Variants in DNAJC8 observed in about 807,000 individuals in gnomAD.
The protein encoded by DNAJC8 is DnaJ heat shock protein family (Hsp40) member C8.
A neutral mutation model predicts 43.2 loss-of-function variants in DNAJC8; 24 were observed. The observed-to-expected ratio is 0.56, with a 90% CI of 0.40 to 0.78. DNAJC8 has a LOEUF of 0.78. Ranked by LOEUF, DNAJC8 falls within the 30% of genes least tolerant of loss-of-function variation. The pLI is 0.00. For synonymous variants in DNAJC8, 83 were observed against 98.0 expected (o/e 0.85, Z 0.90); for missense variants, 207 against 299.4 (o/e 0.69, Z 2.28).
At chr1:28,209,453 G>A (rs142237617) in intron 5 of DNAJC8, among the ~76,000 whole-genome samples, 77 of 152,234 alleles carry the variant, frequency 5.1e-4, no homozygotes, top group African/African-American at 1.8e-3. Flanking sequence ...ATGCCCTCAA[G>A]AGCAAACAAA....
rs779170756 is a variant in DNAJC8, at chr1:28,208,420, A to C, written c.400-7T>G. On this transcript the variant is annotated splice_region_variant and splice_polypyrimidine_tract_variant and intron_variant, in intron 5 of 8. Coordinates refer to ENST00000263697, the MANE Select transcript of DNAJC8 (RefSeq NM_014280.3). ...GTTTTTTTCGCTCTTTCACCTAAAA[A>C]GAATTTTTTTTCATCAAAAGACGAG... 1.9e-6 allele frequency: 3 copies of C among 1,607,806 alleles called. No individual in the cohort carries two copies. The African/African-American group carries it at 4.0e-5, about 21-fold the overall frequency.
intron 3 of DNAJC8, among the ~76,000 whole-genome samples, chr1:28,212,173 ATATATATATATATATATATAT>A (rs1557707921): frequency 0.014 from 1,100 of 79,344 alleles, 92 homozygotes; most frequent in African/African-American, 0.034. Context: ...AAATAAATAT[ATATATATATATATATATATAT>A]ATATATATAT....
chr1:28,207,597 C>T (rs1267379814), intron 6 of DNAJC8, among the ~76,000 whole-genome samples: 1 of 150,810 alleles, frequency 6.6e-6, no homozygotes, highest in African/African-American at 2.4e-5. Context: ...GCACGTGCCA[C>T]CACGCCCAGA....
chr1:28,217,868 T>C (rs1375841271), intron 2 of DNAJC8, among the ~76,000 whole-genome samples: 1 of 151,960 alleles, frequency 6.6e-6, no homozygotes, highest in African/African-American at 2.4e-5. Context: ...GATTACAACA[T>C]GATGTTATGG....
chr1:28,210,115 G>T, intron 4 of DNAJC8, 49 bp from the exon 5 acceptor site: 1 of 1,522,786 alleles, frequency 6.6e-7, no homozygotes, highest in Non-Finnish European at 9.1e-7. Context: ...CCCTCTGAAA[G>T]TCTGAACTAT....
intron 2 of DNAJC8, among the ~76,000 whole-genome samples, chr1:28,223,940 C>T (rs2149022994): frequency 6.6e-6 from 1 of 152,140 alleles, no homozygotes; most frequent in South Asian, 2.1e-4. Flanking sequence ...TCATTCTCTG[C>T]CAAAAGGAAC....
intron 3 of DNAJC8, among the ~76,000 whole-genome samples, chr1:28,214,301 G>A (rs1052954897): frequency 6.6e-6 from 1 of 152,062 alleles, no homozygotes; most frequent in African/African-American, 2.4e-5. Flanking sequence ...TGGGGAGGCT[G>A]AAGCAGGTAG....
chr1:28,226,924 C>T (rs564969086), intron 2 of DNAJC8, among the ~76,000 whole-genome samples: 1 of 151,076 alleles, frequency 6.6e-6, no homozygotes, highest in African/African-American at 2.4e-5. Context: ...TATATATCAT[C>T]TTCATATAGC....
intron 8 of DNAJC8, among the ~76,000 whole-genome samples, chr1:28,203,013 G>C (rs1343663936): frequency 6.6e-6 from 1 of 152,202 alleles, no homozygotes; most frequent in Non-Finnish European, 1.5e-5. Flanking sequence ...TAGCAGTACA[G>C]CTACTCTTTC....
chr1:28,218,873 A>G (rs182840683), intron 2 of DNAJC8, among the ~76,000 whole-genome samples: 74 of 152,322 alleles, frequency 4.9e-4, no homozygotes, highest in African/African-American at 1.6e-3. Flanking sequence ...GCAAAGTCAC[A>G]TAAGATTTAC....
At chr1:28,214,601 A>C (rs543770642) in intron 3 of DNAJC8, among the ~76,000 whole-genome samples, 1 of 152,164 alleles carries the variant, frequency 6.6e-6, no homozygotes, top group Admixed American at 6.6e-5. Context: ...AAAATGTGCT[A>C]TGAATCATTT....
chr1:28,217,508 C>G (rs1255000191), intron 2 of DNAJC8, among the ~76,000 whole-genome samples: 1 of 152,040 alleles, frequency 6.6e-6, no homozygotes, highest in Non-Finnish European at 1.5e-5. Flanking sequence ...TGAGAATTTT[C>G]AAGTCAGTGC....
chr1:28,228,347 T>TG lies in DNAJC8; in HGVS notation c.180+574_180+575insC, dbSNP rs1557714669. Reference sequence around the variant, plus strand: ...CTGGGGGACAGAGCAAGACTCCGTCTCAAAAAAAAAAAAAAAAAAAAAGAA... The same window carrying TG: ...CTGGGGGACAGAGCAAGACTCCGTCTGCAAAAAAAAAAAAAAAAAAAAAGAA... On this transcript the variant is annotated intron_variant, in intron 2 of 8. Transcript: ENST00000263697. Among the ~76,000 whole-genome samples the TG allele has an allele frequency of 3.3e-3, 174 of 52,232 alleles. 1 individual carries two copies. Among genetic ancestry groups the TG allele is most frequent in the African/African-American group, 0.019 (166 of 8,776 alleles). 34.3% of individuals were successfully genotyped at this position (52,232 alleles called of 152,430 possible). A position where few individuals can be genotyped will look rare whatever the true frequency, so the allele number is the denominator to read the frequency against.
In DNAJC8 at chr1:28,202,098, AAGT is replaced by A. The variant is rs1302316918; in HGVS notation, c.640-731_640-729del. 1.3e-5 allele frequency among the ~76,000 whole-genome samples: 2 copies of A among 152,084 alleles called. 1 individual carries two copies. Among genetic ancestry groups the A allele is most frequent in the East Asian group, 3.9e-4 (2 of 5,182 alleles). The stretch of plus-strand genomic sequence containing the variant: ...AGGGCAAAACTCCGTCTCAAAAAAA[AAGT>A]AGAATAGAGCTTTCTTCCCACTCCC... On this transcript the variant is annotated intron_variant, in intron 8 of 8. Coordinates refer to ENST00000263697, the MANE Select transcript of DNAJC8 (RefSeq NM_014280.3).
intron 3 of DNAJC8, among the ~76,000 whole-genome samples, chr1:28,212,188 T>A (rs866868966): frequency 0.18 from 17,178 of 96,882 alleles, 2,879 homozygotes; most frequent in Non-Finnish European, 0.22. Flanking sequence ...TATATATATA[T>A]ATATATATAT....
At chr1:28,225,349 T>A (rs952637840) in intron 2 of DNAJC8, among the ~76,000 whole-genome samples, 1 of 151,504 alleles carries the variant, frequency 6.6e-6, no homozygotes, top group South Asian at 2.1e-4. Flanking sequence ...TTTGAAATAT[T>A]TGTTAATCTG....
chr1:28,202,037 C>A (rs1215405169), intron 8 of DNAJC8, among the ~76,000 whole-genome samples: 1 of 151,892 alleles, frequency 6.6e-6, no homozygotes, highest in African/African-American at 2.4e-5. Context: ...TCGCAGTGAG[C>A]CAAGATCACG....
rs760428015 is a variant in DNAJC8 at position 28,210,635 on chromosome 1, T to C, written c.240A>G (p.Leu80=). ...DEEIKKRFRQ[L]SILVHPDKNQ... ...TTTTGTCAGGATGCACCAAGATGGA[T>C]AACTACAATAAGAGAAAAGTTGGGG... Residue 80 remains leucine, a splice_region_variant and synonymous_variant, in exon 4 of 9, where the codon TTA becomes TTG. Transcript: ENST00000263697. 3 of 1,613,760 alleles carry C rather than the reference T, an allele frequency of 1.9e-6. No individual in the cohort carries two copies. In the South Asian group the frequency reaches 3.3e-5, roughly 18 times the overall value.
In DNAJC8 at chr1:28,210,580, C is replaced by A. The variant is rs759312447; in HGVS notation, c.295G>T (p.Ala99Ser). Reference sequence around the variant, plus strand: ...GTAAATTTACAAATACCTTCAAAAGCCTTTTGTGCTCTGTCAGCATCATCT... The same window carrying A: ...GTAAATTTACAAATACCTTCAAAAGACTTTTGTGCTCTGTCAGCATCATCT... ...NQDDADRAQK[A>S]FEAVDKAYKL... Residue 99 changes from alanine to serine, a missense_variant, in exon 4 of 9, where the codon GCT becomes TCT. By Grantham distance (99) the Ala-to-Ser change is moderately conservative. Transcript: ENST00000263697. 1.5e-5 allele frequency: 24 copies of A among 1,613,732 alleles called. No homozygotes were observed. The highest frequency in any genetic ancestry group is 2.0e-5 in the Non-Finnish European group (24 of 1,179,814).
Sources: allele counts gnomAD v4.1 joint callset (sites outside exome capture counted in the v4.1 genomes callset), GRCh38; gene constraint gnomAD v4.1.1; transcripts MANE v1.5; gene names NCBI Gene and HGNC (gene_info 2026-07-23, HGNC 2026-07-21).